MAP2K4: variants seen among roughly 807,000 people sequenced by gnomAD.
MAP2K4 encodes dual specificity mitogen-activated protein kinase kinase 4.
In MAP2K4, 4 loss-of-function variants were observed where a neutral mutation model predicts 48.5. That is an observed-to-expected ratio of 0.08 (90% CI 0.04 to 0.19). The LOEUF (loss-of-function observed/expected upper bound fraction) is 0.19. MAP2K4 is among the 10% of genes least tolerant of loss of function. The pLI, the probability that MAP2K4 is intolerant of heterozygous loss-of-function variation, is 1.00. For missense variants in MAP2K4, 258 were observed against 493.3 expected (o/e 0.52, Z 4.52); for synonymous variants, 166 against 173.1 (o/e 0.96, Z 0.32).
chr17:12,069,933 A>ATATG (rs1970743734), intron 2 of MAP2K4: 1 of 94,924 alleles, frequency 1.1e-5, no homozygotes, highest in African/African-American at 5.1e-5. Context: ...ATATATATAT[A>ATATG]TATATATATA....
At chr17:12,127,653 T>C (rs1302640517) in intron 8 of MAP2K4, among the ~76,000 whole-genome samples, 1 of 152,246 alleles carries the variant, frequency 6.6e-6, no homozygotes, top group Non-Finnish European at 1.5e-5. Flanking sequence ...CTTTATTTTA[T>C]GACATACAGC....
intron 1 of MAP2K4, 50 bp downstream of exon 1, chr17:12,021,051 G>T: frequency 9.0e-7 from 1 of 1,112,612 alleles, no homozygotes; most frequent in South Asian, 4.5e-5. Flanking sequence ...GCGGCAACCC[G>T]CGTCGTCGCG....
intron 6 of MAP2K4, chr17:12,110,667 G>A (rs983503652): frequency 1.2e-5 from 5 of 427,924 alleles, no homozygotes; most frequent in Non-Finnish European, 2.1e-5. Flanking sequence ...GCTGCACATT[G>A]TTATTAGTTG....
At chr17:12,069,605 T>G in intron 2 of MAP2K4, 1 of 503,886 alleles carries the variant, frequency 2.0e-6, no homozygotes. Flanking sequence ...TTAGAATGTT[T>G]GAGCCATTCT....
intron 1 of MAP2K4, among the ~76,000 whole-genome samples, chr17:12,025,624 C>T (rs1250654056): frequency 6.6e-6 from 1 of 152,160 alleles, no homozygotes; most frequent in Non-Finnish European, 1.5e-5. Flanking sequence ...TTACAGAAAA[C>T]TTTGTGACCA....
intron 2 of MAP2K4, among the ~76,000 whole-genome samples, chr17:12,080,245 C>G (rs148654347): frequency 9.8e-4 from 149 of 152,176 alleles, no homozygotes; most frequent in Non-Finnish European, 1.9e-3. Flanking sequence ...AAATAATGAC[C>G]AAGCACATAA....
intron 7 of MAP2K4, among the ~76,000 whole-genome samples, chr17:12,122,610 A>G (rs1972728245): frequency 6.6e-6 from 1 of 152,206 alleles, no homozygotes; most frequent in Admixed American, 6.5e-5. Flanking sequence ...GTCTGTGAAT[A>G]AAGGTAATGC....
chr17:12,086,055 C>G (rs1971350703), intron 3 of MAP2K4, among the ~76,000 whole-genome samples: 1 of 152,128 alleles, frequency 6.6e-6, no homozygotes, highest in Non-Finnish European at 1.5e-5. Flanking sequence ...ACTGGGATGG[C>G]CTTCAATTGG....
At chr17:12,135,858 C>G (rs1973190560) in intron 9 of MAP2K4, among the ~76,000 whole-genome samples, 1 of 152,084 alleles carries the variant, frequency 6.6e-6, no homozygotes, top group Admixed American at 6.5e-5. Flanking sequence ...CCTAAAGTCC[C>G]TCTTAAAATG....
At chr17:12,041,907 G>C (rs1024205636) in intron 1 of MAP2K4, among the ~76,000 whole-genome samples, 3 of 152,126 alleles carry the variant, frequency 2.0e-5, no homozygotes, top group Non-Finnish European at 4.4e-5. Flanking sequence ...GAGGCTGGGC[G>C]TGGTGGCTCA....
At chr17:12,123,060 G>A (rs1381648602) in intron 7 of MAP2K4, among the ~76,000 whole-genome samples, 1 of 152,120 alleles carries the variant, frequency 6.6e-6, no homozygotes, top group African/African-American at 2.4e-5. Flanking sequence ...GTCTTTCTGT[G>A]CAAGGGCTAT....
chr17:12,143,098 T>C lies in MAP2K4; in HGVS notation c.*1838T>C. ...TTCTCCCCCACGGTATCCTAAACTT[T>C]AGACTTCCCACTGTTCTGAAAGGAG... On this transcript the variant is annotated 3_prime_UTR_variant, in exon 11 of 11. Transcript: ENST00000353533. 2 of 233,018 alleles carry C rather than the reference T, an allele frequency of 8.6e-6. No homozygotes were observed. The highest frequency in any genetic ancestry group is 2.2e-5 in the African/African-American group (1 of 45,454). The allele number at this position is 233,018 out of a possible 1,614,324, so 14.4% of individuals were successfully genotyped here. A position where few individuals can be genotyped will look rare whatever the true frequency, so the allele number is the denominator to read the frequency against.
chr17:12,093,523 T>C lies in MAP2K4; in HGVS notation c.394-2052T>C, dbSNP rs571575389. Among the ~76,000 whole-genome samples, 21 of 152,286 alleles carry C rather than the reference T, an allele frequency of 1.4e-4. No homozygotes were observed. The South Asian group carries it at 4.4e-3, about 32-fold the overall frequency. On this transcript the variant is annotated intron_variant, in intron 3 of 10. Coordinates refer to ENST00000353533, the MANE Select transcript of MAP2K4 (RefSeq NM_003010.4). ...ATATGCTTCCTAGTTGAAATATAAA[T>C]ATTTGTACAAATGTGTATTTAGCAT...
At chr17:12,040,119 G>A (rs749319561) in intron 1 of MAP2K4, among the ~76,000 whole-genome samples, 11 of 152,182 alleles carry the variant, frequency 7.2e-5, no homozygotes, top group Non-Finnish European at 1.6e-4. Flanking sequence ...TGCTGCCAGT[G>A]TGATCCATAT....
intron 2 of MAP2K4, among the ~76,000 whole-genome samples, chr17:12,066,527 CTCTTCT>C (rs368269993): frequency 2.0e-5 from 3 of 151,962 alleles, no homozygotes; most frequent in African/African-American, 7.2e-5. Flanking sequence ...CCTCCTCCTC[CTCTTCT>C]TCTTCTTCTT....
Position 12,020,988 on chromosome 17 carries a change from C to T in MAP2K4, c.102C>T (p.Val34=). ...VGSPAPGHPA[V]SSMQGKRKAL... ...CCCCGGCGCCAGGCCACCCGGCCGT[C>T]AGCAGCATGCAGGGTAAGGAACGCG... The change falls in exon 1 of 11, where the codon GTC becomes GTT. Residue 34 remains valine, a synonymous_variant. Coordinates refer to ENST00000353533, the MANE Select transcript of MAP2K4 (RefSeq NM_003010.4). 4.1e-6 allele frequency: 5 copies of T among 1,211,374 alleles called. No homozygotes were observed. The highest frequency in any genetic ancestry group is 5.1e-6 in the Non-Finnish European group (5 of 974,570). 75.0% of individuals were successfully genotyped at this position (1,211,374 alleles called of 1,614,324 possible). A position where few individuals can be genotyped will look rare whatever the true frequency, so the allele number is the denominator to read the frequency against.
In MAP2K4 at chr17:12,136,404, C is replaced by T. The variant is rs376625116; in HGVS notation, c.1041-3435C>T. 1.8e-4 allele frequency among the ~76,000 whole-genome samples: 28 copies of T among 152,278 alleles called. No homozygotes were observed. In the East Asian group the frequency reaches 4.6e-3, roughly 25 times the overall value. ...CATAAATTAAAACAATAGCTGCATT[C>T]AACAGATTAGATATCATTGAAGAGA... is the stretch of plus-strand genomic sequence containing the variant. On this transcript the variant is annotated intron_variant, in intron 9 of 10. Transcript: ENST00000353533.
At chr17:12,069,447 T>A (rs1970716859) in intron 2 of MAP2K4, among the ~76,000 whole-genome samples, 4 of 152,306 alleles carry the variant, frequency 2.6e-5, no homozygotes. Context: ...GTTTGTCTTG[T>A]CCTCTTTAAT....
intron 7 of MAP2K4, among the ~76,000 whole-genome samples, chr17:12,115,262 T>A (rs1190110238): frequency 6.6e-6 from 1 of 152,220 alleles, no homozygotes; most frequent in Non-Finnish European, 1.5e-5. Context: ...TACACAGTCT[T>A]ATGTTGCTTA....
Sources: gnomAD v4.1 joint callset for allele counts (sites outside exome capture counted in the v4.1 genomes callset) on GRCh38, gnomAD v4.1.1 for gene constraint, MANE v1.5 for transcripts, NCBI Gene and HGNC (gene_info 2026-07-23, HGNC 2026-07-21) for gene names.